The following ARHGAP10 variants were observed in gnomAD, a reference collection of about 807,000 sequenced individuals.
ARHGAP10 encodes the protein rho GTPase-activating protein 10.
A neutral mutation model predicts 108.6 loss-of-function variants in ARHGAP10; 87 were observed. The observed-to-expected ratio is 0.80, with a 90% CI of 0.67 to 0.96. The LOEUF (loss-of-function observed/expected upper bound fraction) is 0.96, where lower values mean the gene tolerates loss of function less well. ARHGAP10 is among the 40% of genes least tolerant of loss of function. The pLI is 0.00. For synonymous variants in ARHGAP10, 347 were observed against 341.1 expected (o/e 1.02, Z -0.19); for missense variants, 939 against 954.5 (o/e 0.98, Z 0.21).
intron 18 of ARHGAP10, among the ~76,000 whole-genome samples, chr4:148,005,940 A>G (rs535956719): frequency 2.6e-5 from 4 of 152,368 alleles, no homozygotes; most frequent in Non-Finnish European, 5.9e-5. Context: ...AAATACATGT[A>G]TCTCTTAGTG....
At chr4:147,756,614 C>G (rs1729381101) in intron 1 of ARHGAP10, among the ~76,000 whole-genome samples, 1 of 152,202 alleles carries the variant, frequency 6.6e-6, no homozygotes. Context: ...CTCCATCCCA[C>G]CTGGGATGTG....
intron 10 of ARHGAP10, among the ~76,000 whole-genome samples, chr4:147,901,306 CTT>C (rs1489927135): frequency 6.6e-6 from 1 of 152,172 alleles, no homozygotes; most frequent in Non-Finnish European, 1.5e-5. Context: ...TATGAGCAGT[CTT>C]TGTGAGAGGG....
At chr4:147,947,356 T>A (rs1464105242) in intron 15 of ARHGAP10, among the ~76,000 whole-genome samples, 1 of 151,938 alleles carries the variant, frequency 6.6e-6, no homozygotes, top group African/African-American at 2.4e-5. Context: ...TATGCTGTGG[T>A]TCTGTTGGGA....
intron 21 of ARHGAP10, 79 bp from the exon 22 acceptor site, chr4:148,064,337 G>A: frequency 7.9e-7 from 1 of 1,264,504 alleles, no homozygotes; most frequent in Non-Finnish European, 1.1e-6. Context: ...TGAGATTTGG[G>A]GAAGGGGGGT....
chr4:148,071,884 G>T, intron 22 of ARHGAP10, 109 bp from the exon 23 acceptor site: 2 of 824,148 alleles, frequency 2.4e-6, no homozygotes. Flanking sequence ...CATCCCAGAA[G>T]TGGCCCCTGT....
At chr4:148,002,064 T>G (rs1477903442) in intron 18 of ARHGAP10, among the ~76,000 whole-genome samples, 1 of 152,218 alleles carries the variant, frequency 6.6e-6, no homozygotes, top group Non-Finnish European at 1.5e-5. Flanking sequence ...CAGAAATAGA[T>G]CTTATTATTT....
At position 147,922,007 on chromosome 4, in the gene ARHGAP10, C is replaced by T. The variant is rs1381342560; in HGVS notation, c.1228+8868C>T. Among the ~76,000 whole-genome samples, 3 of 152,122 alleles carry T rather than the reference C, an allele frequency of 2.0e-5. No individual in the cohort carries two copies. In the East Asian group the frequency reaches 5.8e-4, roughly 29 times the overall value. ...TCTGGAAAAAGATAATGGGCTTGGC[C>T]TTCTCCCCTGCCCCTCCTGCACCTC... On this transcript the variant is annotated intron_variant, in intron 13 of 22. Coordinates refer to ENST00000336498, the MANE Select transcript of ARHGAP10 (RefSeq NM_024605.4).
chr4:147,769,803 T>C (rs1285757930), intron 1 of ARHGAP10, among the ~76,000 whole-genome samples: 4 of 152,204 alleles, frequency 2.6e-5, no homozygotes, highest in Non-Finnish European at 5.9e-5. Flanking sequence ...TGTTTTCTCC[T>C]GTACCCTGGT....
intron 20 of ARHGAP10, among the ~76,000 whole-genome samples, chr4:148,047,528 G>C (rs1237802417): frequency 1.3e-5 from 2 of 152,210 alleles, no homozygotes; most frequent in African/African-American, 2.4e-5. Context: ...GTTGACATTT[G>C]ATTTTATCTT....
rs1364030704 is a variant in ARHGAP10 at position 148,042,572 on chromosome 4, C to T, written c.1868-4320C>T. Among the ~76,000 whole-genome samples, 4 of 152,274 alleles carry T rather than the reference C, an allele frequency of 2.6e-5. No individual in the cohort carries two copies. In the East Asian group the frequency reaches 7.7e-4, roughly 29 times the overall value. ...TAATTTCTTCCCTTTCCTGTTGCTG[C>T]ACTCCCACCTGTCTTTCGCTCCTGA... On this transcript the variant is annotated intron_variant, in intron 19 of 22. Coordinates refer to ENST00000336498, the MANE Select transcript of ARHGAP10 (RefSeq NM_024605.4).
chr4:147,943,721 A>G (rs1191092293), intron 14 of ARHGAP10, among the ~76,000 whole-genome samples: 1 of 152,242 alleles, frequency 6.6e-6, no homozygotes, highest in Non-Finnish European at 1.5e-5. Context: ...ATGGTAGAAC[A>G]TGTATTCTGA....
chr4:147,875,737 T>C (rs1735032049), intron 8 of ARHGAP10, among the ~76,000 whole-genome samples: 2 of 152,218 alleles, frequency 1.3e-5, no homozygotes, highest in Admixed American at 6.5e-5. Flanking sequence ...TATTCCTACG[T>C]GGCATCCTAA....
rs371009119 is a variant in ARHGAP10 at position 147,847,245 on chromosome 4, C to T, written c.384+23C>T. On this transcript the variant is annotated intron_variant, in intron 4 of 22. Coordinates refer to ENST00000336498, the MANE Select transcript of ARHGAP10 (RefSeq NM_024605.4). ...AAGGTTTGTGTCTAATTTGAATACA[C>T]TCAGAAAACATAGATGCCTCTGCTG... is the stretch of plus-strand genomic sequence containing the variant. 35 of 1,583,896 alleles carry T rather than the reference C, an allele frequency of 2.2e-5. No homozygotes were observed. The South Asian group carries it at 2.4e-4, about 11-fold the overall frequency.
chr4:147,908,124 A>G (rs963894992), intron 11 of ARHGAP10, among the ~76,000 whole-genome samples: 6 of 152,154 alleles, frequency 3.9e-5, no homozygotes, highest in Admixed American at 6.6e-5. Context: ...GATTACAGGC[A>G]TGAGCCACCA....
At chr4:147,951,792 C>T (rs1436492) in intron 15 of ARHGAP10, among the ~76,000 whole-genome samples, 148,759 of 152,204 alleles carry the variant, frequency 0.98, 72,768 homozygotes, top group East Asian at 1. Context: ...TATTGAAACA[C>T]AGTTGACATA....
intron 13 of ARHGAP10, among the ~76,000 whole-genome samples, chr4:147,934,437 G>A (rs1164229137): frequency 1.3e-5 from 2 of 152,136 alleles, no homozygotes; most frequent in Non-Finnish European, 2.9e-5. Context: ...TGTCATATGG[G>A]GATATGAGCA....
chr4:147,990,922 G>A (rs1740249028), intron 18 of ARHGAP10, among the ~76,000 whole-genome samples: 1 of 152,008 alleles, frequency 6.6e-6, no homozygotes, highest in African/African-American at 2.4e-5. Context: ...AGGCTGAGGT[G>A]GGAGGATTAC....
chr4:147,972,669 C>G (rs35133175), intron 18 of ARHGAP10, among the ~76,000 whole-genome samples: 1 of 152,020 alleles, frequency 6.6e-6, no homozygotes, highest in African/African-American at 2.4e-5. Context: ...ATGCCAGATA[C>G]GTCCCATGAG....
At chr4:147,881,705 T>C (rs904594613) in intron 9 of ARHGAP10, 133 bp from the exon 10 acceptor site, 2 of 624,230 alleles carry the variant, frequency 3.2e-6, no homozygotes, top group Admixed American at 3.1e-5. Context: ...AATAAGCCAG[T>C]TTGAAAGAGG....
Sources: allele counts gnomAD v4.1 joint callset (sites outside exome capture counted in the v4.1 genomes callset), GRCh38; gene constraint gnomAD v4.1.1; transcripts MANE v1.5; gene names NCBI Gene and HGNC (gene_info 2026-07-23, HGNC 2026-07-21).